MYO1E: variants seen among roughly 807,000 people sequenced by gnomAD.
The protein encoded by MYO1E is myosin IE.
Under a neutral mutation model 151.1 loss-of-function variants are expected in MYO1E, and 68 were observed. That is an observed-to-expected ratio of 0.45 (90% CI 0.37 to 0.55). MYO1E has a LOEUF of 0.55. MYO1E is among the 20% of genes least tolerant of loss of function. MYO1E has a pLI of 0.00. For synonymous variants in MYO1E, 601 were observed against 501.7 expected (o/e 1.20, Z -2.64); for missense variants, 1,363 against 1,389.3 (o/e 0.98, Z 0.30).
chr15:59,227,424 C>T (rs780604385), intron 7 of MYO1E, 35 bp downstream of exon 7: 149 of 1,612,854 alleles, frequency 9.2e-5, no homozygotes, highest in Non-Finnish European at 1.2e-4. Context: ...AGAGAAGGGA[C>T]AGGAAGTGGG....
At chr15:59,234,438 A>G (rs1224071165) in intron 5 of MYO1E, among the ~76,000 whole-genome samples, 2 of 152,220 alleles carry the variant, frequency 1.3e-5, no homozygotes, top group Admixed American at 1.3e-4. Context: ...CAAAAGATAG[A>G]AAGAGTTGAT....
chr15:59,209,629 T>C (rs2079864656), intron 13 of MYO1E, among the ~76,000 whole-genome samples: 1 of 151,880 alleles, frequency 6.6e-6, no homozygotes, highest in African/African-American at 2.4e-5. Flanking sequence ...TGAGCCAAGA[T>C]GGCGCCACTG....
At chr15:59,277,565 A>C (rs1171192273) in intron 1 of MYO1E, among the ~76,000 whole-genome samples, 41 of 114,636 alleles carry the variant, frequency 3.6e-4, no homozygotes, top group Admixed American at 1.2e-3. Context: ...AAAAAAAAAA[A>C]AAAAAAAACA....
chr15:59,188,828 T>G (rs977757905), intron 17 of MYO1E, among the ~76,000 whole-genome samples: 28 of 152,080 alleles, frequency 1.8e-4, no homozygotes, highest in Non-Finnish European at 2.9e-5. Context: ...ACAAAAATAT[T>G]GGTTAATCAG....
chr15:59,302,520 C>T (rs1420532142), intron 1 of MYO1E, among the ~76,000 whole-genome samples: 1 of 152,136 alleles, frequency 6.6e-6, no homozygotes, highest in Non-Finnish European at 1.5e-5. Context: ...ACTCATGAGG[C>T]CAGGAGGAAA....
chr15:59,239,396 T>G (rs1023254937), intron 4 of MYO1E, among the ~76,000 whole-genome samples: 2 of 151,550 alleles, frequency 1.3e-5, no homozygotes, highest in East Asian at 1.9e-4. Flanking sequence ...AAGTTTACAC[T>G]GTCACATTTA....
intron 2 of MYO1E, among the ~76,000 whole-genome samples, chr15:59,268,539 T>C (rs1468506748): frequency 9.9e-5 from 15 of 152,156 alleles, no homozygotes; most frequent in Admixed American, 3.9e-4. Context: ...CTTAATACAA[T>C]GCACCATGCC....
chr15:59,286,291 T>G (rs976255760), intron 1 of MYO1E, among the ~76,000 whole-genome samples: 1 of 152,218 alleles, frequency 6.6e-6, no homozygotes, highest in East Asian at 1.9e-4. Flanking sequence ...GCTGGAGGTA[T>G]GCTGACATGA....
At chr15:59,327,866 G>C (rs572957359) in intron 1 of MYO1E, among the ~76,000 whole-genome samples, 14 of 152,212 alleles carry the variant, frequency 9.2e-5, no homozygotes, top group Non-Finnish European at 1.6e-4. Context: ...GTTAAGGAAA[G>C]GCCAGGGTGG....
intron 1 of MYO1E, among the ~76,000 whole-genome samples, chr15:59,296,655 G>A (rs1278701533): frequency 2.6e-5 from 4 of 152,056 alleles, no homozygotes; most frequent in African/African-American, 9.7e-5. Flanking sequence ...GGGGCAGAGG[G>A]GATGGAGACC....
At chr15:59,292,748 C>T (rs2140397861) in intron 1 of MYO1E, among the ~76,000 whole-genome samples, 1 of 152,314 alleles carries the variant, frequency 6.6e-6, no homozygotes, top group South Asian at 2.1e-4. Context: ...ACAAACAAGA[C>T]CGCGAAATGA....
At chr15:59,328,428 C>T (rs1325475538) in intron 1 of MYO1E, among the ~76,000 whole-genome samples, 1 of 151,782 alleles carries the variant, frequency 6.6e-6, no homozygotes, top group Non-Finnish European at 1.5e-5. Flanking sequence ...ACTTTCTGGC[C>T]CCTCTCCCAA....
chr15:59,231,578 A>G, intron 6 of MYO1E, 124 bp downstream of exon 6: 1 of 1,043,850 alleles, frequency 9.6e-7, no homozygotes, highest in Non-Finnish European at 1.5e-6. Flanking sequence ...TGAAGGAAAG[A>G]TCGAAGAGGT....
rs1348148219 is a variant in MYO1E at position 59,135,243 on chromosome 15, CT to C, written c.*2136del. The C allele has an allele frequency of 1.3e-5, 2 of 152,198 alleles. No homozygotes were observed. The highest frequency in any genetic ancestry group is 4.8e-5 in the African/African-American group (2 of 41,440). 9.4% of individuals were successfully genotyped at this position (152,198 alleles called of 1,614,324 possible). On this transcript the variant is annotated 3_prime_UTR_variant, in exon 28 of 28. Transcript: ENST00000288235. ...TACTCGTGGGGGTTTAACTCAGTCC[CT>C]GTTTTGTGACCTAGAGCCCGATGGT...
intron 7 of MYO1E, among the ~76,000 whole-genome samples, chr15:59,226,120 A>G (rs546163273): frequency 5.3e-5 from 8 of 152,344 alleles, no homozygotes; most frequent in South Asian, 2.1e-4. Context: ...GGTATTATTT[A>G]TGTGAAATAT....
chr15:59,202,032 T>C (rs1648360976), intron 16 of MYO1E, among the ~76,000 whole-genome samples: 1 of 152,354 alleles, frequency 6.6e-6, no homozygotes, highest in East Asian at 1.9e-4. Flanking sequence ...CAGTTTAACA[T>C]AAATTCTTCC....
At chr15:59,303,484 G>A (rs114330919) in intron 1 of MYO1E, among the ~76,000 whole-genome samples, 2,609 of 152,126 alleles carry the variant, frequency 0.017, 85 homozygotes, top group African/African-American at 0.058. Flanking sequence ...AGCCGAGACC[G>A]TACCACTGCA....
intron 3 of MYO1E, among the ~76,000 whole-genome samples, chr15:59,260,440 G>T (rs571575376): frequency 6.6e-6 from 1 of 152,316 alleles, no homozygotes; most frequent in South Asian, 2.1e-4. Flanking sequence ...TTCAACTGAT[G>T]AATTTGTGTG....
chr15:59,235,885 T>A (rs2080059537), intron 5 of MYO1E, among the ~76,000 whole-genome samples: 1 of 152,250 alleles, frequency 6.6e-6, no homozygotes, highest in Non-Finnish European at 1.5e-5. Flanking sequence ...AATAGTTTTC[T>A]AATGCAGTTT....
Sources: allele counts gnomAD v4.1 joint callset (sites outside exome capture counted in the v4.1 genomes callset), GRCh38; gene constraint gnomAD v4.1.1; transcripts MANE v1.5; gene names NCBI Gene and HGNC (gene_info 2026-07-23, HGNC 2026-07-21).